CNTN5: variants seen among roughly 807,000 people sequenced by gnomAD.
CNTN5 encodes the protein contactin-5.
In CNTN5, 77 loss-of-function variants were observed where a neutral mutation model predicts 129.1. The observed-to-expected ratio is 0.60, with a 90% CI of 0.50 to 0.72. The LOEUF is 0.72. CNTN5 is among the 30% of genes least tolerant of loss of function. The probability of loss-of-function intolerance (pLI) is 0.00; values close to 1 mark genes in which losing one functional copy is unlikely to be tolerated. For synonymous variants in CNTN5, 509 were observed against 465.6 expected, an observed-to-expected ratio of 1.09 and a Z score of -1.20; for missense variants, 1,478 against 1,328.8, an observed-to-expected ratio of 1.11 and a Z score of -1.75.
intron 13 of CNTN5, among the ~76,000 whole-genome samples, chr11:100,159,537 ACTCCAGAG>A (rs1403306334): frequency 6.6e-6 from 1 of 151,850 alleles, no homozygotes; most frequent in African/African-American, 2.4e-5. Context: ...GATCAATTTG[ACTCCAGAG>A]CTTGTATTTA....
At chr11:99,595,968 A>C (rs2135683097) in intron 3 of CNTN5, among the ~76,000 whole-genome samples, 1 of 152,128 alleles carries the variant, frequency 6.6e-6, no homozygotes, top group South Asian at 2.1e-4. Context: ...CAGAATCTTA[A>C]CCCAATCTAC....
chr11:99,462,909 A>AC (rs1944771111), intron 2 of CNTN5, among the ~76,000 whole-genome samples: 2 of 151,794 alleles, frequency 1.3e-5, no homozygotes, highest in South Asian at 2.1e-4. Flanking sequence ...ACACGGTGAA[A>AC]CCCCGTCTCT....
chr11:99,543,117 C>T (rs1486469305), intron 2 of CNTN5, among the ~76,000 whole-genome samples: 1 of 152,142 alleles, frequency 6.6e-6, no homozygotes, highest in Non-Finnish European at 1.5e-5. Context: ...TCTGTCAAAA[C>T]ATCTGCAACT....
At chr11:99,926,855 T>A (rs771531980) in intron 7 of CNTN5, among the ~76,000 whole-genome samples, 14 of 152,142 alleles carry the variant, frequency 9.2e-5, no homozygotes, top group South Asian at 2.1e-4. Context: ...TTTCCAAATG[T>A]GTCTTTGTTA....
intron 3 of CNTN5, among the ~76,000 whole-genome samples, chr11:99,624,813 C>T (rs114975495): frequency 0.012 from 1,827 of 152,212 alleles, 41 homozygotes; most frequent in African/African-American, 0.041. Flanking sequence ...CCAAATATAG[C>T]TCATTGCTTC....
intron 17 of CNTN5, among the ~76,000 whole-genome samples, chr11:100,264,422 C>G (rs1015432067): frequency 1.1e-4 from 17 of 152,092 alleles, no homozygotes; most frequent in African/African-American, 4.1e-4. Flanking sequence ...TGTTGTTTCT[C>G]TCCCTGTGTC....
rs77233379 is a variant in CNTN5, at chr11:99,865,934, A to G, written c.577+20672A>G. On this transcript the variant is annotated intron_variant, in intron 6 of 24. Coordinates refer to ENST00000524871, the MANE Select transcript of CNTN5 (RefSeq NM_014361.4). Reference sequence around the variant, plus strand: ...AGTTTTTATTTTCCTACACCATACCATAGTAGAACTATTACTGTTGTTATT... The same window carrying G: ...AGTTTTTATTTTCCTACACCATACCGTAGTAGAACTATTACTGTTGTTATT... Among the ~76,000 whole-genome samples the G allele has an allele frequency of 7.7e-3, 1,168 of 152,282 alleles. 63 individuals are homozygous for G. In the East Asian group the frequency reaches 0.12, roughly 16 times the overall value.
intron 1 of CNTN5, among the ~76,000 whole-genome samples, chr11:99,189,450 AG>A (rs1256043746): frequency 6.6e-6 from 1 of 151,588 alleles, no homozygotes; most frequent in Non-Finnish European, 1.5e-5. Context: ...ATGTATTTGA[AG>A]AACCTCTGTG....
At chr11:99,681,126 A>T (rs755658023) in intron 3 of CNTN5, among the ~76,000 whole-genome samples, 23 of 152,216 alleles carry the variant, frequency 1.5e-4, no homozygotes, top group Admixed American at 3.9e-4. Context: ...GTTGCTTATT[A>T]TTGGTGAGAA....
chr11:99,369,217 A>AATATATATATAATATATATAAT (rs67285443), intron 2 of CNTN5, among the ~76,000 whole-genome samples: 1 of 135,734 alleles, frequency 7.4e-6, no homozygotes, highest in Non-Finnish European at 1.6e-5. Flanking sequence ...TATTATATAT[A>AATATATATATAATATATATAAT]ATATATATAT....
chr11:99,171,737 C>A (rs1328564832), intron 1 of CNTN5, among the ~76,000 whole-genome samples: 2 of 152,086 alleles, frequency 1.3e-5, no homozygotes, highest in Admixed American at 6.5e-5. Context: ...TTGTTAAGAA[C>A]CATTTTGCTC....
rs186148747 is a variant in CNTN5 at position 99,507,431 on chromosome 11, T to C, written c.-70-48714T>C. On this transcript the variant is annotated intron_variant, in intron 2 of 24. Transcript: ENST00000524871. ...TCAAAACAATAGTCATCCCATTAAA[T>C]ATAATGTATATTGACATTTTCTTTT... is the stretch of plus-strand genomic sequence containing the variant. 5.0e-3 allele frequency among the ~76,000 whole-genome samples: 745 copies of C among 149,038 alleles called. 5 individuals carry two copies. The highest frequency in any genetic ancestry group is 7.6e-3 in the Non-Finnish European group (507 of 67,098).
intron 3 of CNTN5, among the ~76,000 whole-genome samples, chr11:99,762,462 C>T (rs1408118044): frequency 6.6e-6 from 1 of 151,794 alleles, no homozygotes; most frequent in African/African-American, 2.4e-5. Flanking sequence ...AGGAAGGGAT[C>T]CAGTTTCAGC....
At chr11:99,982,915 G>A (rs535404162) in intron 8 of CNTN5, among the ~76,000 whole-genome samples, 13 of 152,008 alleles carry the variant, frequency 8.6e-5, no homozygotes, top group Non-Finnish European at 1.9e-4. Flanking sequence ...TGCTGGGATT[G>A]CAGGCATGAA....
At chr11:99,540,111 T>C (rs192798545) in intron 2 of CNTN5, among the ~76,000 whole-genome samples, 1 of 152,196 alleles carries the variant, frequency 6.6e-6, no homozygotes, top group Non-Finnish European at 1.5e-5. Flanking sequence ...GTGGCCTTTT[T>C]TGAAGGATGT....
At chr11:100,144,150 A>T (rs2138270418) in intron 13 of CNTN5, among the ~76,000 whole-genome samples, 1 of 152,330 alleles carries the variant, frequency 6.6e-6, no homozygotes, top group East Asian at 1.9e-4. Flanking sequence ...ATGTTTCATA[A>T]ACCAATTCAA....
In CNTN5 at chr11:100,336,866, A is replaced by G. The variant is rs1952047883; in HGVS notation, c.2731-3597A>G. On this transcript the variant is annotated intron_variant, in intron 21 of 24. Transcript: ENST00000524871. ...GAGAATCACAATCTAGATGTGGAAC[A>G]GTGGATTTGAAAGCTATAGCAGCAA... is the stretch of plus-strand genomic sequence containing the variant. 8 of 502,398 alleles carry G rather than the reference A, an allele frequency of 1.6e-5. No individual in the cohort carries two copies. In the Admixed American group the frequency reaches 2.6e-4, roughly 16 times the overall value. 31.1% of individuals were successfully genotyped at this position (502,398 alleles called of 1,614,324 possible). A position where few individuals can be genotyped will look rare whatever the true frequency, so the allele number is the denominator to read the frequency against.
chr11:100,126,933 C>A (rs1363021), intron 13 of CNTN5, among the ~76,000 whole-genome samples: 120,492 of 151,356 alleles, frequency 0.8, 48,755 homozygotes, highest in East Asian at 1. Context: ...TTTTTTTTCT[C>A]TTTTGAGATA....
chr11:99,395,708 TG>T (rs1316615475), intron 2 of CNTN5, among the ~76,000 whole-genome samples: 1 of 151,888 alleles, frequency 6.6e-6, no homozygotes, highest in Non-Finnish European at 1.5e-5. Flanking sequence ...CATCTCGAGT[TG>T]ATTTTTTGTA....
Sources: gnomAD v4.1 joint callset for allele counts (sites outside exome capture counted in the v4.1 genomes callset) on GRCh38, gnomAD v4.1.1 for gene constraint, MANE v1.5 for transcripts, NCBI Gene and HGNC (gene_info 2026-07-23, HGNC 2026-07-21) for gene names.